CCDC73: variants seen among roughly 807,000 people sequenced by gnomAD.
CCDC73 encodes coiled-coil domain-containing protein 73.
Under a neutral mutation model 116.5 loss-of-function variants are expected in CCDC73, and 95 were observed. The ratio of observed to expected loss-of-function variants is 0.82; its 90% CI spans 0.69 to 0.97. CCDC73 has a LOEUF of 0.97. CCDC73 is among the 50% of genes least tolerant of loss of function. The pLI, the probability that CCDC73 is intolerant of heterozygous loss-of-function variation, is 0.00. For synonymous variants in CCDC73, 398 were observed against 401.3 expected (o/e 0.99, Z 0.10); for missense variants, 1,066 against 1,206.8 (o/e 0.88, Z 1.73).
At position 32,668,950 on chromosome 11, in the gene CCDC73, T is replaced by C. The variant is rs1038641780; in HGVS notation, c.645+6615A>G. ...AATTTTGAATAAGTTCAGATGCAAG[T>C]ACACAGTAGAAAACAAGTATAATAA... On this transcript the variant is annotated intron_variant, in intron 9 of 17. Transcript: ENST00000335185. Among the ~76,000 whole-genome samples, 7 of 152,288 alleles carry C rather than the reference T, an allele frequency of 4.6e-5. No individual in the cohort carries two copies. In the East Asian group the frequency reaches 1.2e-3, roughly 25 times the overall value.
At chr11:32,735,478 CAAG>C (rs1256124779) in intron 2 of CCDC73, among the ~76,000 whole-genome samples, 1 of 152,168 alleles carries the variant, frequency 6.6e-6, no homozygotes, top group Non-Finnish European at 1.5e-5. Context: ...AGGAACTCTT[CAAG>C]AAGAACTACA....
chr11:32,690,462 C>A (rs1289044852), intron 6 of CCDC73, among the ~76,000 whole-genome samples: 1 of 152,152 alleles, frequency 6.6e-6, no homozygotes, highest in Non-Finnish European at 1.5e-5. Flanking sequence ...GTGTCCCCAC[C>A]CAAATCTCAT....
At chr11:32,634,390 T>TA (rs550800016) in intron 14 of CCDC73, among the ~76,000 whole-genome samples, 144 of 151,806 alleles carry the variant, frequency 9.5e-4, no homozygotes, top group Non-Finnish European at 1.8e-3. Context: ...ATGAAAAGAA[T>TA]AAAAAAAACC....
chr11:32,787,953 AAGAT>A (rs1438095323), intron 1 of CCDC73, among the ~76,000 whole-genome samples: 1 of 152,170 alleles, frequency 6.6e-6, no homozygotes, highest in Non-Finnish European at 1.5e-5. Context: ...AAAGAACTGA[AAGAT>A]CTTTTATGTC....
chr11:32,623,502 C>T (rs534491573), intron 14 of CCDC73, among the ~76,000 whole-genome samples: 16 of 152,134 alleles, frequency 1.1e-4, no homozygotes, highest in Non-Finnish European at 1.9e-4. Flanking sequence ...CAGTGTGCAC[C>T]GCCATGCCCC....
chr11:32,658,828 T>A (rs1855896910), intron 9 of CCDC73, among the ~76,000 whole-genome samples: 2 of 149,818 alleles, frequency 1.3e-5, no homozygotes, highest in South Asian at 2.1e-4. Context: ...AAAAGATGAG[T>A]CAAAAATGAG....
intron 12 of CCDC73, among the ~76,000 whole-genome samples, chr11:32,651,570 T>G (rs7927992): frequency 0.028 from 4,279 of 152,252 alleles, 183 homozygotes; most frequent in African/African-American, 0.095. Context: ...GAACCAGTCC[T>G]GGGAGGTAGT....
At chr11:32,686,176 T>G (rs1856198082) in intron 6 of CCDC73, among the ~76,000 whole-genome samples, 1 of 107,564 alleles carries the variant, frequency 9.3e-6, no homozygotes, top group Non-Finnish European at 1.7e-5. Context: ...AAATAAGAAG[T>G]GGTTGGATGC....
chr11:32,747,093 C>T (rs1474294049), intron 2 of CCDC73, among the ~76,000 whole-genome samples: 1 of 152,126 alleles, frequency 6.6e-6, no homozygotes, highest in African/African-American at 2.4e-5. Context: ...ATGTTGGTGA[C>T]CTACGGATGG....
chr11:32,685,258 C>A (rs1590592958), intron 6 of CCDC73, among the ~76,000 whole-genome samples: 2 of 99,658 alleles, frequency 2.0e-5, no homozygotes, highest in Admixed American at 1.4e-4. Flanking sequence ...GGGGGTACAA[C>A]ACTGGACCAA....
At chr11:32,737,617 CAA>C (rs35749199) in intron 2 of CCDC73, among the ~76,000 whole-genome samples, 24 of 118,858 alleles carry the variant, frequency 2.0e-4, no homozygotes, top group African/African-American at 2.0e-4. Context: ...GACTGTGTCT[CAA>C]AAAAAAAAAA....
At chr11:32,696,582 C>A (rs1196935615) in intron 6 of CCDC73, among the ~76,000 whole-genome samples, 1 of 151,938 alleles carries the variant, frequency 6.6e-6, no homozygotes, top group African/African-American at 2.4e-5. Flanking sequence ...CGTGCACCAC[C>A]ATATCTGGCT....
chr11:32,769,087 T>C (rs1417356690), intron 1 of CCDC73, among the ~76,000 whole-genome samples: 1 of 152,102 alleles, frequency 6.6e-6, no homozygotes, highest in Non-Finnish European at 1.5e-5. Context: ...AATGAACCAA[T>C]AGGAACTCCC....
intron 14 of CCDC73, among the ~76,000 whole-genome samples, chr11:32,623,072 G>T (rs1855537494): frequency 6.6e-6 from 1 of 152,034 alleles, no homozygotes; most frequent in Admixed American, 6.6e-5. Flanking sequence ...GCAGTGGTGT[G>T]ATCTCAGCTC....
intron 1 of CCDC73, among the ~76,000 whole-genome samples, chr11:32,763,282 A>G (rs1443334825): frequency 3.3e-5 from 5 of 152,216 alleles, no homozygotes; most frequent in African/African-American, 1.2e-4. Context: ...GAGATCTGAG[A>G]ACGGACAGAC....
intron 1 of CCDC73, among the ~76,000 whole-genome samples, chr11:32,778,891 G>GA (rs1850559213): frequency 6.6e-6 from 1 of 152,070 alleles, no homozygotes; most frequent in Non-Finnish European, 1.5e-5. Context: ...CAATTAAGAA[G>GA]ATTACGTATT....
chr11:32,722,766 T>C (rs1280980870), intron 2 of CCDC73, among the ~76,000 whole-genome samples: 3 of 152,158 alleles, frequency 2.0e-5, no homozygotes, highest in Non-Finnish European at 4.4e-5. Flanking sequence ...GTGGTTAGAG[T>C]GGGTTCTGAG....
At chr11:32,763,722 G>A (rs573677978) in intron 1 of CCDC73, among the ~76,000 whole-genome samples, 7 of 152,332 alleles carry the variant, frequency 4.6e-5, no homozygotes, top group East Asian at 1.9e-4. Context: ...CCCCTCCAAC[G>A]GAACGCAGCT....
chr11:32,780,896 T>G (rs2133396285), intron 1 of CCDC73, among the ~76,000 whole-genome samples: 1 of 152,296 alleles, frequency 6.6e-6, no homozygotes. Context: ...AGGGTTGTAC[T>G]CTTAACCACT....
Sources: allele counts gnomAD v4.1 joint callset (sites outside exome capture counted in the v4.1 genomes callset), GRCh38; gene constraint gnomAD v4.1.1; transcripts MANE v1.5; gene names NCBI Gene and HGNC (gene_info 2026-07-23, HGNC 2026-07-21).